SGCZ: variants seen among roughly 807,000 people sequenced by gnomAD.
SGCZ encodes sarcoglycan zeta.
In SGCZ, 40 loss-of-function variants were observed where a neutral mutation model predicts 41.3. That is an observed-to-expected ratio of 0.97 (90% CI 0.75 to 1.26). The LOEUF (loss-of-function observed/expected upper bound fraction) is 1.26, where lower values mean the gene tolerates loss of function less well. SGCZ is among the 50% of genes most tolerant of loss of function. The pLI is 0.00. For missense variants in SGCZ, 552 were observed against 369.8 expected (o/e 1.49, Z -4.04); for synonymous variants, 206 against 137.5 (o/e 1.50, Z -3.49).
chr8:14,446,366 G>T (rs578143969), intron 2 of SGCZ, among the ~76,000 whole-genome samples: 1 of 152,222 alleles, frequency 6.6e-6, no homozygotes, highest in South Asian at 2.1e-4. Flanking sequence ...TAACATTTCT[G>T]TTTCTAATAA....
chr8:14,879,416 G>T (rs965939810), intron 1 of SGCZ: 5 of 152,004 alleles, frequency 3.3e-5, no homozygotes, highest in Non-Finnish European at 5.9e-5. Flanking sequence ...AGAAAACCAT[G>T]AATAATGGAA....
At chr8:14,747,010 T>A (rs1279950547) in intron 1 of SGCZ, among the ~76,000 whole-genome samples, 2 of 152,190 alleles carry the variant, frequency 1.3e-5, no homozygotes. Flanking sequence ...GCAGTTTTCC[T>A]GGGAACAAAT....
chr8:14,340,125 C>G (rs959656473), intron 2 of SGCZ, among the ~76,000 whole-genome samples: 2 of 152,130 alleles, frequency 1.3e-5, no homozygotes, highest in Admixed American at 6.5e-5. Flanking sequence ...ATCTTCACTG[C>G]TGTTGTTTCA....
intron 1 of SGCZ, among the ~76,000 whole-genome samples, chr8:15,142,013 C>T (rs977253155): frequency 6.6e-6 from 1 of 152,134 alleles, no homozygotes; most frequent in African/African-American, 2.4e-5. Flanking sequence ...ATCAAGAAAG[C>T]TCAATTGGAA....
intron 1 of SGCZ, among the ~76,000 whole-genome samples, chr8:15,019,430 T>C (rs1803167372): frequency 6.6e-6 from 1 of 152,152 alleles, no homozygotes; most frequent in African/African-American, 2.4e-5. Context: ...TGATTTCTGA[T>C]GGATTCACAT....
At chr8:15,170,072 G>A (rs1040055083) in intron 1 of SGCZ, among the ~76,000 whole-genome samples, 2 of 152,122 alleles carry the variant, frequency 1.3e-5, no homozygotes, top group Admixed American at 6.6e-5. Context: ...TTCAAAGAAC[G>A]TTTTAAATGG....
chr8:14,847,128 A>G (rs867043081), intron 1 of SGCZ, among the ~76,000 whole-genome samples: 1 of 71,006 alleles, frequency 1.4e-5, no homozygotes, highest in Non-Finnish European at 2.7e-5. Flanking sequence ...AGAAGAAGAA[A>G]GAAGAAGAAG....
chr8:14,088,722 A>G lies in SGCZ; in HGVS notation c.*1721T>C, dbSNP rs1370010878. On this transcript the variant is annotated 3_prime_UTR_variant, in exon 8 of 8. Coordinates refer to ENST00000382080, the MANE Select transcript of SGCZ (RefSeq NM_139167.4). Reference sequence around the variant, plus strand: ...GAACCCTTCTGCTGAGTACAGTGGAAATGAGCTTTTTCAGTTATTTGATAT... The same window carrying G: ...GAACCCTTCTGCTGAGTACAGTGGAGATGAGCTTTTTCAGTTATTTGATAT... 6.6e-6 allele frequency among the ~76,000 whole-genome samples: 1 copy of G among 151,888 alleles called. No individual in the cohort carries two copies. Among genetic ancestry groups the G allele is most frequent in the East Asian group, 1.9e-4 (1 of 5,156 alleles).
rs556263904 is a variant in SGCZ, at chr8:15,026,083, A to G, written c.39+211502T>C. On this transcript the variant is annotated intron_variant, in intron 1 of 7. Coordinates refer to ENST00000382080, the MANE Select transcript of SGCZ (RefSeq NM_139167.4). ...ACTCCACGCGTTTTCTTTTTAGACT[A>G]TTTACTTTGACTTCCATAGTATTCC... is the stretch of plus-strand genomic sequence containing the variant. 1.9e-3 allele frequency among the ~76,000 whole-genome samples: 293 copies of G among 151,992 alleles called. 1 individual carries two copies. The highest frequency in any genetic ancestry group is 6.5e-3 in the African/African-American group (271 of 41,468).
chr8:14,831,496 A>G (rs960751126), intron 1 of SGCZ, among the ~76,000 whole-genome samples: 1 of 152,156 alleles, frequency 6.6e-6, no homozygotes, highest in South Asian at 2.1e-4. Flanking sequence ...TCAGATAGAC[A>G]TCGACTTGAA....
At chr8:14,782,738 C>T (rs532373653) in intron 1 of SGCZ, among the ~76,000 whole-genome samples, 33 of 152,192 alleles carry the variant, frequency 2.2e-4, no homozygotes, top group Admixed American at 1.4e-3. Flanking sequence ...GAACCTTATA[C>T]TCCAAGGATA....
chr8:14,358,681 G>C (rs1029595800), intron 2 of SGCZ, among the ~76,000 whole-genome samples: 3 of 152,054 alleles, frequency 2.0e-5, no homozygotes, highest in African/African-American at 7.2e-5. Flanking sequence ...GTGTGATCTT[G>C]GTTCACTGCA....
intron 1 of SGCZ, among the ~76,000 whole-genome samples, chr8:14,855,651 T>C (rs979470671): frequency 1.3e-5 from 2 of 152,138 alleles, no homozygotes; most frequent in African/African-American, 4.8e-5. Flanking sequence ...AAAGAAAACA[T>C]ATGGTCAAAT....
chr8:14,193,098 T>C (rs992825872), intron 4 of SGCZ, among the ~76,000 whole-genome samples: 1 of 151,872 alleles, frequency 6.6e-6, no homozygotes, highest in Non-Finnish European at 1.5e-5. Context: ...AAATCTTTTT[T>C]CTATATTATT....
intron 1 of SGCZ, among the ~76,000 whole-genome samples, chr8:14,841,734 T>C (rs906211444): frequency 2.0e-5 from 3 of 152,312 alleles, no homozygotes; most frequent in Admixed American, 2.0e-4. Context: ...ATATGTTTTC[T>C]TTAAAACTGA....
At chr8:14,258,867 C>G (rs1161695317) in intron 3 of SGCZ, among the ~76,000 whole-genome samples, 1 of 152,112 alleles carries the variant, frequency 6.6e-6, no homozygotes, top group Non-Finnish European at 1.5e-5. Context: ...CATGCCCTTG[C>G]CTTCTTCATG....
chr8:14,308,074 AT>A (rs1391997048), intron 3 of SGCZ, among the ~76,000 whole-genome samples: 1 of 152,062 alleles, frequency 6.6e-6, no homozygotes, highest in Non-Finnish European at 1.5e-5. Context: ...AGGGATAAAG[AT>A]TATTCATTTT....
chr8:14,601,101 T>C (rs941030039), intron 1 of SGCZ, among the ~76,000 whole-genome samples: 1 of 151,270 alleles, frequency 6.6e-6, no homozygotes, highest in Non-Finnish European at 1.5e-5. Context: ...AAATTGATCA[T>C]ACTGTATATA....
intron 4 of SGCZ, among the ~76,000 whole-genome samples, chr8:14,229,712 C>G (rs1031263883): frequency 3.3e-5 from 5 of 151,742 alleles, no homozygotes; most frequent in Non-Finnish European, 5.9e-5. Context: ...TAATCCATAA[C>G]CTTCTACTTT....
Sources: gnomAD v4.1 joint callset for allele counts (sites outside exome capture counted in the v4.1 genomes callset) on GRCh38, gnomAD v4.1.1 for gene constraint, MANE v1.5 for transcripts, NCBI Gene and HGNC (gene_info 2026-07-23, HGNC 2026-07-21) for gene names.